HOXA3: variants seen among roughly 807,000 people sequenced by gnomAD.
HOXA3 encodes the protein homeobox A3, also known as homeobox protein Hox-A3.
HOXA3 carries 8 observed loss-of-function variants against 30.3 expected under a neutral mutation model. The ratio of observed to expected loss-of-function variants is 0.26; its 90% CI spans 0.15 to 0.48. The LOEUF is 0.48. Among genes scored for constraint, HOXA3 ranks in the 20% least tolerant of loss-of-function variants. HOXA3 has a pLI of 0.99. For synonymous variants in HOXA3, 323 were observed against 273.1 expected, an observed-to-expected ratio of 1.18 and a Z score of -1.80; for missense variants, 653 against 614.4, an observed-to-expected ratio of 1.06 and a Z score of -0.66.
chr7:27,126,196 A>T (rs1427626933), intron 3 of HOXA3, among the ~76,000 whole-genome samples: 1 of 152,186 alleles, frequency 6.6e-6, no homozygotes, highest in Non-Finnish European at 1.5e-5. Context: ...TTAAGTACTT[A>T]ATTCAAACTG....
At chr7:27,130,582 T>C in intron 2 of HOXA3, 1 of 1,505,490 alleles carries the variant, frequency 6.6e-7, no homozygotes. Context: ...CGGCAGGTGC[T>C]GGGTCGGGGG....
Position 27,108,738 on chromosome 7 carries a change from G to C in HOXA3, c.527-18C>G. 6.4e-7 allele frequency: 1 copy of C among 1,565,340 alleles called. No individual in the cohort carries two copies. Among genetic ancestry groups the C allele is most frequent in the Non-Finnish European group, 8.7e-7 (1 of 1,155,004 alleles). On this transcript the variant is annotated intron_variant, in intron 5 of 5. Coordinates refer to ENST00000612286, the MANE Select transcript of HOXA3 (RefSeq NM_153631.3). This position sits in a 1 kb window ranked among gnomAD's most constrained non-coding sequence, Gnocchi z 5.0. ...GCTTTCGCCTGCGAGGACAGAGAGA[G>C]GAAGAGCGGCGTCAGGGGCTGCCGC...
intron 1 of HOXA3, among the ~76,000 whole-genome samples, chr7:27,149,879 A>G (rs12666919): frequency 6.6e-6 from 1 of 152,156 alleles, no homozygotes; most frequent in Non-Finnish European, 1.5e-5. Context: ...TTTGGAGATG[A>G]CAATCAATGT....
In HOXA3 at chr7:27,141,437, G is replaced by A. The variant is rs568152628; in HGVS notation, c.-493-1251C>T. The A allele has an allele frequency of 1.2e-4, 20 of 171,208 alleles. 1 individual carries two copies. In the South Asian group the frequency reaches 2.2e-3, roughly 19 times the overall value. 10.6% of individuals were successfully genotyped at this position (171,208 alleles called of 1,614,324 possible). On this transcript the variant is annotated intron_variant, in intron 1 of 5. Transcript: ENST00000612286. ...TAACAGCTTGGAGCTATTGAGACAG[G>A]AACACTTCCACGCACATGCACAGTT...
intron 3 of HOXA3, among the ~76,000 whole-genome samples, chr7:27,124,811 A>T: frequency 6.6e-6 from 1 of 152,142 alleles, no homozygotes; most frequent in East Asian, 1.9e-4. Context: ...CCTCCGGGGC[A>T]CATTCATCCT....
intron 2 of HOXA3, chr7:27,130,794 G>A: frequency 2.0e-6 from 3 of 1,514,418 alleles, no homozygotes; most frequent in Non-Finnish European, 2.7e-6. Context: ...TGGGCTTGCC[G>A]AGGCCCCTCC....
intron 2 of HOXA3, chr7:27,129,347 T>A (rs375220000): frequency 6.2e-7 from 1 of 1,614,012 alleles, no homozygotes; most frequent in African/African-American, 1.3e-5. Flanking sequence ...GAGGATCGCA[T>A]CTTGGTGTTG....
Position 27,110,624 on chromosome 7 carries a change from T to C in HOXA3, c.17A>G (p.Tyr6Cys), listed in dbSNP as rs1784318631. ...ACCGTAGATCGCCGAGCTGTCGTAG[T>C]AGGTCGCTTTTTGCATCGCGTTGTT... MQKAT[Y>C]YDSSAIYGGY... The change falls in exon 5 of 6, where the codon TAC becomes TGC. Residue 6 changes from tyrosine to cysteine, a missense_variant. Tyr to Cys is a radical substitution (Grantham distance 194). Coordinates refer to ENST00000612286, the MANE Select transcript of HOXA3 (RefSeq NM_153631.3). 1.2e-6 allele frequency: 2 copies of C among 1,604,056 alleles called. No individual in the cohort carries two copies. The highest frequency in any genetic ancestry group is 2.7e-5 in the African/African-American group (2 of 74,790).
chr7:27,110,545 C>T lies in HOXA3; in HGVS notation c.96G>A (p.Pro32=), dbSNP rs768363142. 2 of 1,606,574 alleles carry T rather than the reference C, an allele frequency of 1.2e-6. No individual in the cohort carries two copies. The highest frequency in any genetic ancestry group is 1.7e-6 in the Non-Finnish European group (2 of 1,174,778). Residue 32 remains proline, a synonymous_variant, in exon 5 of 6, where the codon CCG becomes CCA. Coordinates refer to ENST00000612286, the MANE Select transcript of HOXA3 (RefSeq NM_153631.3). The stretch of plus-strand genomic sequence containing the variant: ...CGCCCAAAGCGGCGGACGCCGGGTA[C>T]GGCTGCTGATTGGCATTATAAGCGA... ...NGFAYNANQQ[P]YPASAALGAD...
At chr7:27,142,206 G>GC (rs1412257483) in intron 1 of HOXA3, 4 of 1,008,320 alleles carry the variant, frequency 4.0e-6, no homozygotes, top group Non-Finnish European at 5.7e-6. Flanking sequence ...CTGCCTACCA[G>GC]CCCGCACACC....
chr7:27,133,557 G>C (rs1382307932), intron 2 of HOXA3, among the ~76,000 whole-genome samples: 1 of 152,198 alleles, frequency 6.6e-6, no homozygotes, highest in Non-Finnish European at 1.5e-5. Flanking sequence ...TCCACGTGCA[G>C]GGATAACATA....
chr7:27,141,971 A>G (rs376431276), intron 1 of HOXA3: 38 of 1,614,074 alleles, frequency 2.4e-5, no homozygotes, highest in East Asian at 2.2e-5. Flanking sequence ...TGCTATTTCA[A>G]TCCTCCTTCT....
intron 4 of HOXA3, chr7:27,114,102 C>T (rs1299537885): frequency 6.6e-6 from 1 of 150,376 alleles, no homozygotes; most frequent in African/African-American, 2.5e-5. Flanking sequence ...GAAGCGCGGG[C>T]TGGTGTGGGG....
intron 1 of HOXA3, among the ~76,000 whole-genome samples, chr7:27,146,649 C>G (rs921092758): frequency 6.6e-6 from 1 of 152,102 alleles, no homozygotes; most frequent in African/African-American, 2.4e-5. Context: ...GTTGGGCTGT[C>G]TGATCTGGTG....
chr7:27,145,884 C>T (rs762684090), intron 1 of HOXA3: 4 of 1,613,108 alleles, frequency 2.5e-6, no homozygotes, highest in Non-Finnish European at 3.4e-6. Context: ...GTAGGTCTGG[C>T]GGCCTCGGCG....
At chr7:27,151,284 C>A (rs557737323) in intron 1 of HOXA3, 28 of 298,076 alleles carry the variant, frequency 9.4e-5, no homozygotes, top group African/African-American at 6.2e-4. Flanking sequence ...TTAGGCCGAG[C>A]TACAGTTCGA....
Position 27,108,287 on chromosome 7 carries a change from T to G in HOXA3, c.960A>C (p.Ala320=), listed in dbSNP as rs2128038018. 4.0e-6 allele frequency: 6 copies of G among 1,506,320 alleles called. No individual in the cohort carries two copies. The highest frequency in any genetic ancestry group is 1.8e-4 in the Middle Eastern group (1 of 5,486). The allele number at this position is 1,506,320 out of a possible 1,614,324, so 93.3% of individuals were successfully genotyped here. The part of the protein sequence containing the change: ...ASYPASLPSC[A]PPPPPQKRYT... ...AGCGCTTCTGTGGGGGTGGCGGGGG[T>G]GCGCAGCTGGGCAGGGACGCAGGGT... The change falls in exon 6 of 6, where the codon GCA becomes GCC. Residue 320 remains alanine, a synonymous_variant. Transcript: ENST00000612286. This position sits in a 1 kb window ranked among gnomAD's most constrained non-coding sequence, Gnocchi z 5.0.
intron 1 of HOXA3, chr7:27,147,136 A>G (rs1005749150): frequency 8.8e-6 from 6 of 682,956 alleles, no homozygotes; most frequent in Non-Finnish European, 1.4e-5. Flanking sequence ...CCATGGCCTG[A>G]TAGCCCCATT....
In HOXA3 at chr7:27,108,341, C is replaced by G. The variant is rs1784147015; in HGVS notation, c.906G>C (p.Gln302His). 6.6e-7 allele frequency: 1 copy of G among 1,511,646 alleles called. No individual in the cohort carries two copies. The highest frequency in any genetic ancestry group is 1.4e-5 in the African/African-American group (1 of 71,966). The allele number at this position is 1,511,646 out of a possible 1,614,324, so 93.6% of individuals were successfully genotyped here. A position where few individuals can be genotyped will look rare whatever the true frequency, so the allele number is the denominator to read the frequency against. Residue 302 changes from glutamine to histidine, a missense_variant, in exon 6 of 6, where the codon CAG (glutamine) becomes CAC (histidine). By Grantham distance (24) the Gln-to-His change is conservative. Coordinates refer to ENST00000612286, the MANE Select transcript of HOXA3 (RefSeq NM_153631.3). The surrounding 1 kb of genome is among the most constrained non-coding windows in gnomAD (Gnocchi z 5.0). ...QSPPPFSKPP[Q>H]GTYGLPPASY... ...AGGCGGGGGGCAGCCCGTAGGTACC[C>G]TGGGGGGGCTTGGAGAAGGGCGGGG...
Sources: allele counts gnomAD v4.1 joint callset (sites outside exome capture counted in the v4.1 genomes callset), GRCh38; gene constraint gnomAD v4.1.1; non-coding constraint Gnocchi (gnomAD v3.1); transcripts MANE v1.5; gene names NCBI Gene and HGNC (gene_info 2026-07-23, HGNC 2026-07-21).